SHTN1: variants seen among roughly 807,000 people sequenced by gnomAD.
The protein encoded by SHTN1 is shootin 1, also known as shootin-1.
A neutral mutation model predicts 83.1 loss-of-function variants in SHTN1; 42 were observed. The ratio of observed to expected loss-of-function variants is 0.51; its 90% CI spans 0.39 to 0.65. SHTN1 has a LOEUF of 0.65. Ranked by LOEUF, SHTN1 falls within the 30% of genes least tolerant of loss-of-function variation. SHTN1 has a pLI of 0.00. For missense variants in SHTN1, 622 were observed against 737.8 expected, an observed-to-expected ratio of 0.84 and a Z score of 1.82; for synonymous variants, 224 against 247.7, an observed-to-expected ratio of 0.90 and a Z score of 0.90.
At chr10:116,911,380 T>C (rs2133346655) in intron 14 of SHTN1, 1 of 1,329,308 alleles carries the variant, frequency 7.5e-7, no homozygotes, top group Non-Finnish European at 1.0e-6. Flanking sequence ...TATGAAGCTA[T>C]TTGGGGAGGA....
intron 2 of SHTN1, among the ~76,000 whole-genome samples, chr10:117,039,733 G>C (rs751963860): frequency 6.6e-6 from 1 of 151,682 alleles, no homozygotes; most frequent in African/African-American, 2.4e-5. Context: ...GGCACCTGTA[G>C]TCCCAGCTAC....
intron 1 of SHTN1, among the ~76,000 whole-genome samples, chr10:117,003,681 C>T (rs1189034118): frequency 6.6e-6 from 1 of 151,830 alleles, no homozygotes; most frequent in Non-Finnish European, 1.5e-5. Context: ...AGAAGATCCA[C>T]GGAAGGAAAG....
intron 16 of SHTN1, among the ~76,000 whole-genome samples, chr10:116,889,087 T>TACTA (rs1347080955): frequency 6.6e-6 from 1 of 152,210 alleles, no homozygotes; most frequent in Non-Finnish European, 1.5e-5. Context: ...CATCAACCCA[T>TACTA]ACTAACCTTC....
At chr10:116,951,833 T>C in intron 6 of SHTN1, 76 bp downstream of exon 6, 2 of 725,928 alleles carry the variant, frequency 2.8e-6, no homozygotes, top group East Asian at 2.7e-5. Context: ...CTTATAATAT[T>C]AAGTTCTTAA....
chr10:116,919,389 T>G (rs1280557920), intron 12 of SHTN1, among the ~76,000 whole-genome samples: 1 of 152,236 alleles, frequency 6.6e-6, no homozygotes, highest in South Asian at 2.1e-4. Flanking sequence ...GAGCAACTTC[T>G]ATATTGGTAA....
At chr10:116,952,251 T>A (rs897894552) in intron 5 of SHTN1, among the ~76,000 whole-genome samples, 1 of 152,182 alleles carries the variant, frequency 6.6e-6, no homozygotes, top group Non-Finnish European at 1.5e-5. Context: ...CCAGATCATG[T>A]TTTCTTTGCA....
chr10:117,084,493 T>C (rs1047527390), intron 1 of SHTN1, among the ~76,000 whole-genome samples: 7 of 152,200 alleles, frequency 4.6e-5, no homozygotes, highest in African/African-American at 1.2e-4. Flanking sequence ...GTCTTTTTGT[T>C]TGTCTGTGCC....
chr10:117,123,015 T>A (rs899554014), intron 1 of SHTN1, among the ~76,000 whole-genome samples: 2 of 152,160 alleles, frequency 1.3e-5, no homozygotes, highest in Non-Finnish European at 2.9e-5. Context: ...GGTTGTTTTG[T>A]TTTGGAGATG....
At chr10:117,090,995 C>T (rs1853423816) in intron 1 of SHTN1, among the ~76,000 whole-genome samples, 1 of 152,206 alleles carries the variant, frequency 6.6e-6, no homozygotes, top group South Asian at 2.1e-4. Context: ...GATTTAGGAA[C>T]TGTGCTTCCC....
At position 117,104,209 on chromosome 10, in the gene SHTN1, T is replaced by C. The variant is rs550201833; in HGVS notation, c.-189+22098A>G. Among the ~76,000 whole-genome samples, 112 of 152,316 alleles carry C rather than the reference T, an allele frequency of 7.4e-4. 2 individuals are homozygous for C. In the South Asian group the frequency reaches 0.022, roughly 30 times the overall value. The stretch of plus-strand genomic sequence containing the variant: ...CTAGCACGTTGTGTTAGAGTTTATT[T>C]TGCTTGGCCTCCAAGGCCCAATTCA... On this transcript the variant is annotated intron_variant, in intron 1 of 17. Coordinates refer to the SHTN1 transcript ENST00000392901.
intron 1 of SHTN1, among the ~76,000 whole-genome samples, chr10:117,108,199 A>G (rs1005262180): frequency 7.9e-5 from 12 of 152,272 alleles, no homozygotes; most frequent in African/African-American, 2.6e-4. Context: ...CAGCCATCCC[A>G]TTACTGGGTA....
At chr10:117,025,737 T>C (rs1480857451) in intron 2 of SHTN1, among the ~76,000 whole-genome samples, 2 of 150,726 alleles carry the variant, frequency 1.3e-5, no homozygotes, top group East Asian at 2.0e-4. Flanking sequence ...CCACAGTAGG[T>C]TGTGGCTCCC....
intron 1 of SHTN1, among the ~76,000 whole-genome samples, chr10:116,984,312 CA>C (rs765188297): frequency 6.6e-6 from 1 of 152,166 alleles, no homozygotes; most frequent in Non-Finnish European, 1.5e-5. Flanking sequence ...TCTTCAGTTG[CA>C]TAAGTTAAAT....
intron 2 of SHTN1, 79 bp from the exon 3 acceptor site, chr10:116,968,791 T>TA (rs1257238948): frequency 2.8e-6 from 3 of 1,057,688 alleles, no homozygotes; most frequent in Non-Finnish European, 4.3e-6. Context: ...AGCAAACTTA[T>TA]AAACAACAGC....
At chr10:116,934,346 T>C (rs1478009488) in intron 9 of SHTN1, among the ~76,000 whole-genome samples, 3 of 152,246 alleles carry the variant, frequency 2.0e-5, no homozygotes, top group South Asian at 2.1e-4. Context: ...TTGTATAAGA[T>C]TTACGTAAGG....
At chr10:116,924,783 A>G (rs1589811580) in intron 11 of SHTN1, among the ~76,000 whole-genome samples, 1 of 109,698 alleles carries the variant, frequency 9.1e-6, no homozygotes, top group East Asian at 2.7e-4. Context: ...TTTGAGATGG[A>G]GTCTCGCTCT....
rs746920538 is a variant in SHTN1 at position 116,966,808 on chromosome 10, T to C, written c.172+1844A>G. ...TGCACACCAATCCATTATCAATAAT[T>C]CAAGCATATTAACCGGTAACAATGC... On this transcript the variant is annotated intron_variant, in intron 3 of 16. Coordinates refer to ENST00000355371, the MANE Select transcript of SHTN1 (RefSeq NM_001127211.3). 1.9e-3 allele frequency among the ~76,000 whole-genome samples: 286 copies of C among 152,312 alleles called. 2 individuals carry two copies. The highest frequency in any genetic ancestry group is 3.4e-3 in the Non-Finnish European group (231 of 68,018).
intron 2 of SHTN1, among the ~76,000 whole-genome samples, chr10:117,010,736 C>A (rs1325211643): frequency 6.6e-6 from 1 of 152,116 alleles, no homozygotes; most frequent in Non-Finnish European, 1.5e-5. Context: ...TACACCACGA[C>A]CAGGTAGTAC....
At chr10:116,958,514 C>T (rs1172761332) in intron 4 of SHTN1, among the ~76,000 whole-genome samples, 6 of 152,068 alleles carry the variant, frequency 3.9e-5, no homozygotes, top group East Asian at 1.9e-4. Flanking sequence ...TGGTTCGTAA[C>T]GAGCAATGAA....
Sources: allele counts gnomAD v4.1 joint callset (sites outside exome capture counted in the v4.1 genomes callset), GRCh38; gene constraint gnomAD v4.1.1; transcripts MANE v1.5; gene names NCBI Gene and HGNC (gene_info 2026-07-23, HGNC 2026-07-21).